Variants in HTT observed in about 807,000 individuals in gnomAD.
The protein encoded by HTT is huntingtin, also known as huntington disease protein.
HTT carries 104 observed loss-of-function variants against 362.3 expected under a neutral mutation model. The observed-to-expected ratio is 0.29, with a 90% CI of 0.24 to 0.34. HTT has a LOEUF of 0.34. Among genes scored for constraint, HTT ranks in the 10% least tolerant of loss-of-function variants. HTT has a pLI of 1.00. For synonymous variants in HTT, 1,577 were observed against 1,548.7 expected (o/e 1.02, Z -0.43); for missense variants, 3,301 against 3,928.6 (o/e 0.84, Z 4.27).
rs745743494 is a variant in HTT at position 3,215,111 on chromosome 4, T to G, written c.6954T>G (p.Val2318=). Residue 2318 remains valine, a splice_region_variant and synonymous_variant, in exon 51 of 67, where the codon GTT becomes GTG. Transcript: ENST00000355072. ...CTCTTTGTTCTGTTGTAATTTTAGTTGCAGTGCAGCCTGGAGAGCAGCTTC... is the reference window on the plus strand; with the variant it reads ...CTCTTTGTTCTGTTGTAATTTTAGTGGCAGTGCAGCCTGGAGAGCAGCTTC... The part of the protein sequence containing the change: ...IYCVHFILEA[V]AVQPGEQLLS... 21 of 1,611,356 alleles carry G rather than the reference T, an allele frequency of 1.3e-5. No homozygotes were observed. Among genetic ancestry groups the G allele is most frequent in the Non-Finnish European group, 1.8e-5 (21 of 1,177,694 alleles).
chr4:3,170,891 G>T (rs1260605648), intron 29 of HTT, among the ~76,000 whole-genome samples: 15 of 152,172 alleles, frequency 9.9e-5, no homozygotes, highest in Non-Finnish European at 2.9e-5. Flanking sequence ...GCTCAGTAGT[G>T]GAAGTCTCAC....
intron 3 of HTT, among the ~76,000 whole-genome samples, chr4:3,101,562 C>G (rs1437465262): frequency 6.6e-6 from 1 of 152,206 alleles, no homozygotes; most frequent in Non-Finnish European, 1.5e-5. Context: ...GGCATGGTCA[C>G]GTAGCCTTCA....
intron 39 of HTT, 160 bp downstream of exon 39, chr4:3,188,046 C>A: frequency 1.7e-6 from 1 of 595,328 alleles, no homozygotes; most frequent in Non-Finnish European, 3.0e-6. Context: ...CCTGCATTAT[C>A]TATGGCTCTT....
chr4:3,117,180 A>G (rs1299276138), intron 8 of HTT, among the ~76,000 whole-genome samples: 2 of 152,212 alleles, frequency 1.3e-5, no homozygotes, highest in African/African-American at 2.4e-5. Flanking sequence ...TGTTCCAACC[A>G]GCTGCCCTTT....
rs372566928 is a variant in HTT, at chr4:3,187,898, A to G, written c.5225+12A>G. On this transcript the variant is annotated intron_variant, in intron 39 of 66. Transcript: ENST00000355072. The stretch of plus-strand genomic sequence containing the variant: ...GAAACATTTTCAAGGTATGCTTTCT[A>G]TCTGAGCCTATAACTAACCCATGCC... 7.2e-6 allele frequency: 11 copies of G among 1,528,780 alleles called. No individual in the cohort carries two copies. Among genetic ancestry groups the G allele is most frequent in the African/African-American group, 6.9e-5 (5 of 72,632 alleles). The allele number at this position is 1,528,780 out of a possible 1,614,324, so 94.7% of individuals were successfully genotyped here.
At chr4:3,191,749 G>A (rs1374735807) in intron 40 of HTT, among the ~76,000 whole-genome samples, 1 of 152,192 alleles carries the variant, frequency 6.6e-6, no homozygotes, top group African/African-American at 2.4e-5. Flanking sequence ...AACTAAACAT[G>A]TAATTCAGAT....
At position 3,176,570 on chromosome 4, in the gene HTT, C is replaced by T. The variant is rs3025834; in HGVS notation, c.4408-762C>T. Among the ~76,000 whole-genome samples, 66 of 152,240 alleles carry T rather than the reference C, an allele frequency of 4.3e-4. 3 individuals are homozygous for T. The highest frequency in any genetic ancestry group is 2.0e-3 in the Admixed American group (31 of 15,292). On this transcript the variant is annotated intron_variant, in intron 33 of 66. Transcript: ENST00000355072. ...AGAGGAGCAGGCTCTCAGGGGGGCA[C>T]GGGTACCCCAAGGGAAGCCAGAGCC... is the stretch of plus-strand genomic sequence containing the variant.
At chr4:3,150,669 T>G (rs920631464) in intron 26 of HTT, among the ~76,000 whole-genome samples, 1 of 152,222 alleles carries the variant, frequency 6.6e-6, no homozygotes, top group African/African-American at 2.4e-5. Context: ...GAAGAAAGTG[T>G]GTACCTTTGT....
intron 25 of HTT, 22 bp from the exon 26 acceptor site, chr4:3,147,983 A>G (rs772975686): frequency 3.3e-5 from 52 of 1,586,932 alleles, no homozygotes; most frequent in Non-Finnish European, 4.2e-5. Flanking sequence ...GTGGAGAGGT[A>G]ATGTCTGTGC....
chr4:3,190,662 C>T (rs1217924264), intron 40 of HTT, among the ~76,000 whole-genome samples: 3 of 152,318 alleles, frequency 2.0e-5, no homozygotes, highest in East Asian at 1.9e-4. Flanking sequence ...TGCCACTGCA[C>T]TCCAGCCTGG....
chr4:3,161,998 A>C (rs890474264), intron 29 of HTT, among the ~76,000 whole-genome samples: 1 of 152,196 alleles, frequency 6.6e-6, no homozygotes, highest in Non-Finnish European at 1.5e-5. Context: ...GTCTTTGCCT[A>C]TGCCTATGTC....
Position 3,157,172 on chromosome 4 carries a change from C to T in HTT, c.3726C>T (p.Val1242=), listed in dbSNP as rs1717193833. Residue 1242 remains valine (V), a synonymous_variant, in exon 28 of 67, where the codon GTC becomes GTT. Coordinates refer to ENST00000355072, the MANE Select transcript of HTT (RefSeq NM_001388492.1). ...CTTCATACCTCAAACTGCATGATGTCCTGAAAGCTACACACGCTAACTACA... is the reference window on the plus strand; with the variant it reads ...CTTCATACCTCAAACTGCATGATGTTCTGAAAGCTACACACGCTAACTACA... The part of the protein sequence containing the change: ...HLPSYLKLHD[V]LKATHANYKV... 1 of 1,613,620 alleles carries T rather than the reference C, an allele frequency of 6.2e-7. No homozygotes were observed. Among genetic ancestry groups the T allele is most frequent in the African/African-American group, 1.3e-5 (1 of 74,900 alleles).
intron 47 of HTT, among the ~76,000 whole-genome samples, chr4:3,210,552 G>A (rs1720103482): frequency 6.6e-6 from 1 of 152,198 alleles, no homozygotes; most frequent in South Asian, 2.1e-4. Flanking sequence ...AGAGCTAGGA[G>A]GCCATGCAAA....
intron 5 of HTT, among the ~76,000 whole-genome samples, chr4:3,106,292 G>A (rs887230872): frequency 1.3e-5 from 2 of 152,132 alleles, no homozygotes; most frequent in African/African-American, 4.8e-5. Flanking sequence ...GGAGGTGGAG[G>A]TCGTGTTGAG....
chr4:3,129,723 A>G (rs1026740300), intron 12 of HTT: 3 of 478,408 alleles, frequency 6.3e-6, no homozygotes, highest in Non-Finnish European at 1.1e-5. Context: ...AGAGCTTTTC[A>G]TAATGTAGTG....
intron 3 of HTT, 91 bp downstream of exon 3, chr4:3,099,485 T>A: frequency 6.4e-7 from 1 of 1,564,044 alleles, no homozygotes; most frequent in Admixed American, 1.8e-5. Flanking sequence ...CTGTTTTGAG[T>A]CCCTGAGGAT....
intron 27 of HTT, among the ~76,000 whole-genome samples, chr4:3,156,309 G>GTA (rs10651242): frequency 0.037 from 5,643 of 152,170 alleles, 302 homozygotes; most frequent in African/African-American, 0.12. Context: ...TAGTAGAAGT[G>GTA]GAGTTTCACC....
chr4:3,085,749 A>T (rs953911733), intron 1 of HTT, among the ~76,000 whole-genome samples: 1 of 152,230 alleles, frequency 6.6e-6, no homozygotes, highest in Non-Finnish European at 1.5e-5. Flanking sequence ...CAATTTTCTC[A>T]GAAACTTAGT....
rs150409639 is a variant in HTT at position 3,080,435 on chromosome 4, G to T, written c.263+5347G>T. On this transcript the variant is annotated intron_variant, in intron 1 of 66. Transcript: ENST00000355072. The stretch of plus-strand genomic sequence containing the variant: ...TCTTATACTTACCTTGCAAACCCTT[G>T]TTCTCATTTTTTCCCTTTGTATTTT... 4.6e-5 allele frequency among the ~76,000 whole-genome samples: 7 copies of T among 152,186 alleles called. No homozygotes were observed. In the East Asian group the frequency reaches 7.7e-4, roughly 17 times the overall value.
Sources: allele counts gnomAD v4.1 joint callset (sites outside exome capture counted in the v4.1 genomes callset), GRCh38; gene constraint gnomAD v4.1.1; transcripts MANE v1.5; gene names NCBI Gene and HGNC (gene_info 2026-07-23, HGNC 2026-07-21).